The following SMIM21 variants were observed in gnomAD, a reference collection of about 807,000 sequenced individuals.
SMIM21 encodes the protein small integral membrane protein 21.
A neutral mutation model predicts 8.6 loss-of-function variants in SMIM21; 8 were observed. That is an observed-to-expected ratio of 0.93 (90% CI 0.55 to 1.68). The LOEUF (loss-of-function observed/expected upper bound fraction) is 1.68, where lower values mean the gene tolerates loss of function less well. Ranked by LOEUF, SMIM21 falls within the 40% of genes most tolerant of loss-of-function variation. The pLI is 0.00. For missense variants in SMIM21, 132 were observed against 123.0 expected (o/e 1.07, Z -0.35); for synonymous variants, 43 against 41.7 (o/e 1.03, Z -0.12).
At chr18:75,415,617 A>G (rs1436290303) in intron 2 of SMIM21, among the ~76,000 whole-genome samples, 1 of 152,220 alleles carries the variant, frequency 6.6e-6, no homozygotes, top group African/African-American at 2.4e-5. Flanking sequence ...CACCACCACT[A>G]ACAACTCTGA....
At chr18:75,415,982 A>G (rs2024639874) in intron 2 of SMIM21, 1 of 152,242 alleles carries the variant, frequency 6.6e-6, no homozygotes, top group Non-Finnish European at 1.5e-5. Flanking sequence ...GGCAATGTTT[A>G]CTGTTACAGT....
intron 2 of SMIM21, among the ~76,000 whole-genome samples, chr18:75,412,284 TAAAG>T (rs756632968): frequency 2.6e-4 from 40 of 152,096 alleles, no homozygotes; most frequent in Admixed American, 8.5e-4. Flanking sequence ...TTGTTAAAAA[TAAAG>T]AAAGAAGGAA....
intron 2 of SMIM21, among the ~76,000 whole-genome samples, chr18:75,412,931 C>T (rs1033742472): frequency 4.6e-5 from 7 of 152,242 alleles, no homozygotes; most frequent in Admixed American, 2.6e-4. Flanking sequence ...CATTCAAATC[C>T]GAACTCTTAT....
chr18:75,427,313 G>T, intron 1 of SMIM21, 122 bp downstream of exon 1: 1 of 1,177,392 alleles, frequency 8.5e-7, no homozygotes, highest in Non-Finnish European at 1.2e-6. Flanking sequence ...AAACTTCGTA[G>T]AATCTGGATT....
rs1021551851 is a variant in SMIM21 at position 75,427,169 on chromosome 18, C to G, written c.129+266G>C. ...GATCATTGACTCATTGGCCTGTATA[C>G]TGATGTAATGTCAAGGGGAGGGCCC... On this transcript the variant is annotated intron_variant, in intron 1 of 2. Transcript: ENST00000579022. Among the ~76,000 whole-genome samples the G allele has an allele frequency of 3.3e-5, 5 of 152,254 alleles. No homozygotes were observed. In the South Asian group the frequency reaches 1.0e-3, roughly 32 times the overall value.
At chr18:75,422,339 A>G (rs915387655) in intron 1 of SMIM21, among the ~76,000 whole-genome samples, 3 of 152,020 alleles carry the variant, frequency 2.0e-5, no homozygotes, top group Admixed American at 6.6e-5. Flanking sequence ...TCAACTGAAC[A>G]TTTAACCCCC....
chr18:75,424,390 A>G (rs2024740059), intron 1 of SMIM21, among the ~76,000 whole-genome samples: 1 of 152,360 alleles, frequency 6.6e-6, no homozygotes, highest in Non-Finnish European at 1.5e-5. Flanking sequence ...TGAATAATAT[A>G]TAGTTTATGT....
At chr18:75,425,445 C>A (rs924847590) in intron 1 of SMIM21, among the ~76,000 whole-genome samples, 29 of 152,296 alleles carry the variant, frequency 1.9e-4, no homozygotes, top group African/African-American at 7.0e-4. Context: ...GTTTCATGCC[C>A]TGTATTGGCT....
At chr18:75,415,023 G>T (rs1366642407) in intron 2 of SMIM21, among the ~76,000 whole-genome samples, 1 of 152,152 alleles carries the variant, frequency 6.6e-6, no homozygotes, top group Non-Finnish European at 1.5e-5. Flanking sequence ...GATTCCCTGG[G>T]ACTTTCAGAT....
At chr18:75,420,113 C>T (rs1241296312) in intron 1 of SMIM21, among the ~76,000 whole-genome samples, 1 of 152,136 alleles carries the variant, frequency 6.6e-6, no homozygotes, top group African/African-American at 2.4e-5. Flanking sequence ...GTCAGGGATC[C>T]ACTGATGATG....
intron 1 of SMIM21, chr18:75,419,133 G>C (rs576370560): frequency 5.6e-6 from 2 of 356,798 alleles, no homozygotes; most frequent in East Asian, 8.9e-5. Context: ...CAACTCTTGA[G>C]ATCTGCCGTG....
intron 1 of SMIM21, among the ~76,000 whole-genome samples, chr18:75,419,245 A>G (rs1337589607): frequency 2.6e-5 from 4 of 152,218 alleles, no homozygotes; most frequent in Admixed American, 6.5e-5. Context: ...ATCATTTCTC[A>G]GGTTTCTCAC....
chr18:75,414,835 A>G (rs1260453704), intron 2 of SMIM21, among the ~76,000 whole-genome samples: 1 of 152,128 alleles, frequency 6.6e-6, no homozygotes, highest in Non-Finnish European at 1.5e-5. Context: ...TGGCTTTGGT[A>G]TTTTGCGTAC....
intron 2 of SMIM21, 54 bp downstream of exon 2, chr18:75,418,732 A>G (rs1265137037): frequency 6.7e-7 from 1 of 1,490,204 alleles, no homozygotes; most frequent in African/African-American, 1.5e-5. Flanking sequence ...TCGTTTACTC[A>G]CTTTCAAAAT....
At chr18:75,413,427 G>A (rs181757297) in intron 2 of SMIM21, among the ~76,000 whole-genome samples, 480 of 152,302 alleles carry the variant, frequency 3.2e-3, no homozygotes, top group African/African-American at 0.01. Flanking sequence ...GAGAAGACAC[G>A]TAACTATCAT....
chr18:75,412,884 G>A (rs891337271), intron 2 of SMIM21, among the ~76,000 whole-genome samples: 1 of 152,130 alleles, frequency 6.6e-6, no homozygotes, highest in Non-Finnish European at 1.5e-5. Context: ...TCTCATTGCT[G>A]TTCGTTGTAC....
rs2024565789 is a variant in SMIM21, at chr18:75,409,986, C to T, written c.*878G>A. On this transcript the variant is annotated 3_prime_UTR_variant, in exon 3 of 3. Coordinates refer to ENST00000579022, the MANE Select transcript of SMIM21 (RefSeq NM_001037331.3). Reference sequence around the variant, plus strand: ...TGCAGCCGCCTTAACTTTGAGTCTCCTTGCTTCTGTCAGGAGGTGCCACAA... The same window carrying T: ...TGCAGCCGCCTTAACTTTGAGTCTCTTTGCTTCTGTCAGGAGGTGCCACAA... The T allele has an allele frequency of 6.5e-6, 1 of 152,704 alleles. No individual in the cohort carries two copies. Among genetic ancestry groups the T allele is most frequent in the Admixed American group, 6.5e-5 (1 of 15,282 alleles). The allele number at this position is 152,704 out of a possible 1,614,324, so 9.5% of individuals were successfully genotyped here.
intron 1 of SMIM21, among the ~76,000 whole-genome samples, chr18:75,426,631 T>TAAAAAAAAAAAAAAA (rs777676195): frequency 3.4e-5 from 3 of 89,262 alleles, no homozygotes; most frequent in African/African-American, 4.8e-5. Flanking sequence ...TTTTAAAATG[T>TAAAAAAAAAAAAAAA]AAAAAAAAAA....
Position 75,410,924 on chromosome 18 carries a change from AG to A in SMIM21, c.261-16del. 1.9e-6 allele frequency: 3 copies of A among 1,613,942 alleles called. No individual in the cohort carries two copies. The highest frequency in any genetic ancestry group is 4.5e-5 in the East Asian group (2 of 44,882). On this transcript the variant is annotated splice_polypyrimidine_tract_variant and intron_variant, in intron 2 of 2. Coordinates refer to ENST00000579022, the MANE Select transcript of SMIM21 (RefSeq NM_001037331.3). ...AACGTAGAAAGCTGCAAGAGACAAA[AG>A]GGGGAAAAAGCATTTTATTTTTTTG...
Sources: gnomAD v4.1 joint callset for allele counts (sites outside exome capture counted in the v4.1 genomes callset) on GRCh38, gnomAD v4.1.1 for gene constraint, MANE v1.5 for transcripts, NCBI Gene and HGNC (gene_info 2026-07-23, HGNC 2026-07-21) for gene names.